SLC44A5: variants seen among roughly 807,000 people sequenced by gnomAD.
SLC44A5 encodes the protein solute carrier family 44 member 5.
SLC44A5 carries 57 observed loss-of-function variants against 101.8 expected under a neutral mutation model. That is an observed-to-expected ratio of 0.56 (90% CI 0.45 to 0.70). The LOEUF (loss-of-function observed/expected upper bound fraction) is 0.70. SLC44A5 is among the 30% of genes least tolerant of loss of function. The pLI is 0.00. For synonymous variants in SLC44A5, 281 were observed against 290.9 expected (o/e 0.97, Z 0.35); for missense variants, 737 against 853.1 (o/e 0.86, Z 1.70).
At chr1:75,470,222 A>C (rs1437803976) in intron 2 of SLC44A5, among the ~76,000 whole-genome samples, 2 of 152,206 alleles carry the variant, frequency 1.3e-5, no homozygotes, top group Non-Finnish European at 2.9e-5. Context: ...CTACACGTGA[A>C]GCTAAAAGCT....
chr1:75,356,957 G>C (rs1659127595), intron 3 of SLC44A5, among the ~76,000 whole-genome samples: 1 of 152,130 alleles, frequency 6.6e-6, no homozygotes, highest in African/African-American at 2.4e-5. Context: ...ATACCATCTA[G>C]ATTTGTCTAC....
At chr1:75,429,846 C>A (rs1311267210) in intron 2 of SLC44A5, among the ~76,000 whole-genome samples, 1 of 152,136 alleles carries the variant, frequency 6.6e-6, no homozygotes, top group Non-Finnish European at 1.5e-5. Flanking sequence ...TCCCATCAGG[C>A]CCCACCACTA....
the SLC44A5 span, among the ~76,000 whole-genome samples, chr1:75,688,484 CCTT>C: frequency 0.24 from 36,096 of 151,990 alleles, 4,626 homozygotes; most frequent in Non-Finnish European, 0.3. Flanking sequence ...CTTTCGAGGT[CCTT>C]CTTTATTGGC....
intron 2 of SLC44A5, among the ~76,000 whole-genome samples, chr1:75,493,619 A>G (rs942535505): frequency 5.9e-5 from 9 of 152,116 alleles, no homozygotes; most frequent in African/African-American, 2.2e-4. Context: ...TCCTGAGGGG[A>G]AAAAAATAGC....
intron 4 of SLC44A5, among the ~76,000 whole-genome samples, chr1:75,337,891 T>G (rs1487755750): frequency 6.6e-6 from 1 of 152,216 alleles, no homozygotes; most frequent in Non-Finnish European, 1.5e-5. Context: ...CAATAACATT[T>G]GGGATTTTTC....
intron 2 of SLC44A5, among the ~76,000 whole-genome samples, chr1:75,489,497 T>C (rs1470789453): frequency 6.6e-6 from 1 of 152,170 alleles, no homozygotes; most frequent in Non-Finnish European, 1.5e-5. Flanking sequence ...GTTTGTTTGG[T>C]TGGTTGTTTT....
chr1:75,366,684 C>T (rs1659881041), intron 3 of SLC44A5, among the ~76,000 whole-genome samples: 1 of 142,658 alleles, frequency 7.0e-6, no homozygotes, highest in Non-Finnish European at 1.5e-5. Context: ...TATGATGTAC[C>T]ATAGGCGCTG....
chr1:75,339,734 G>T, intron 3 of SLC44A5, 104 bp from the exon 4 acceptor site: 1 of 915,560 alleles, frequency 1.1e-6, no homozygotes, highest in Non-Finnish European at 1.6e-6. Context: ...ACTGCTCAGT[G>T]CAGTGATGAA....
At chr1:75,681,342 G>A in the SLC44A5 span, among the ~76,000 whole-genome samples, 1 of 152,146 alleles carries the variant, frequency 6.6e-6, no homozygotes, top group Non-Finnish European at 1.5e-5. Flanking sequence ...GATGAACATT[G>A]ATGCACAAAT....
intron 2 of SLC44A5, among the ~76,000 whole-genome samples, chr1:75,471,437 TCAGAAC>T (rs2101731440): frequency 6.6e-6 from 1 of 151,042 alleles, no homozygotes; most frequent in African/African-American, 2.4e-5. Flanking sequence ...ATGAATTAAA[TCAGAAC>T]CAGGACAAAA....
At chr1:75,578,135 T>C (rs1274469773) in intron 1 of SLC44A5, among the ~76,000 whole-genome samples, 3 of 152,064 alleles carry the variant, frequency 2.0e-5, no homozygotes, top group Admixed American at 6.6e-5. Flanking sequence ...AAACAATCCA[T>C]AAATACAGTT....
chr1:75,466,655 TAAAAAAAAAAA>T (rs754658767), intron 2 of SLC44A5, among the ~76,000 whole-genome samples: 2 of 88,492 alleles, frequency 2.3e-5, no homozygotes, highest in Non-Finnish European at 4.4e-5. Flanking sequence ...GATGCCATCT[TAAAAAAAAAAA>T]AAAAAAAAAA....
the SLC44A5 span, among the ~76,000 whole-genome samples, chr1:75,658,495 C>G: frequency 8.5e-5 from 13 of 152,170 alleles, no homozygotes; most frequent in African/African-American, 3.1e-4. Flanking sequence ...TTCATAAATA[C>G]ATGGAAAGTA....
the SLC44A5 span, among the ~76,000 whole-genome samples, chr1:75,680,454 A>T: frequency 6.6e-6 from 1 of 151,942 alleles, no homozygotes; most frequent in African/African-American, 2.4e-5. Flanking sequence ...AGGATTAAGA[A>T]TCTCACTCAA....
At position 75,238,554 on chromosome 1, in the gene SLC44A5, A is replaced by T. The variant is rs752023960; in HGVS notation, c.615T>A (p.Asn205Lys). ...GTTCTACAACACTTCTTGTCCCTCC[A>T]TTTCCATCTTGAAACATCATCTTAC... ...IGSKMMFQDG[N>K]GGTRSVVELG... is the part of the protein sequence containing the mutation. Residue 205 changes from asparagine to lysine, a missense_variant, in exon 10 of 24, where the codon AAT becomes AAA. By Grantham distance (94) the Asn-to-Lys change is moderately conservative (BLOSUM62 0). Transcript: ENST00000370859. 3.7e-6 allele frequency: 6 copies of T among 1,602,212 alleles called. No individual in the cohort carries two copies. In the East Asian group the frequency reaches 9.1e-5, roughly 24 times the overall value.
chr1:75,626,498 T>G, the SLC44A5 span, among the ~76,000 whole-genome samples: 3 of 152,262 alleles, frequency 2.0e-5, no homozygotes, highest in East Asian at 5.8e-4. Context: ...ACTCTTGTGT[T>G]GCTCTTGCCG....
At chr1:75,205,580 G>C (rs1240571457) in intron 23 of SLC44A5, 1 of 152,168 alleles carries the variant, frequency 6.6e-6, no homozygotes, top group Non-Finnish European at 1.5e-5. Context: ...CCTGCAGAGA[G>C]AGAGTTCCTA....
chr1:75,659,437 G>GAGGGAAGGAAGGA, the SLC44A5 span, among the ~76,000 whole-genome samples: 3 of 18,434 alleles, frequency 1.6e-4, no homozygotes, highest in African/African-American at 4.7e-4. Flanking sequence ...GGGAGGGAGG[G>GAGGGAAGGAAGGA]AGGGAGGGAA....
intron 3 of SLC44A5, among the ~76,000 whole-genome samples, chr1:75,364,885 A>G (rs960921118): frequency 1.3e-5 from 2 of 151,984 alleles, no homozygotes; most frequent in Non-Finnish European, 2.9e-5. Flanking sequence ...TTTCTACTAA[A>G]TATTTTTGTT....
Sources: gnomAD v4.1 joint callset for allele counts (sites outside exome capture counted in the v4.1 genomes callset) on GRCh38, gnomAD v4.1.1 for gene constraint, MANE v1.5 for transcripts, NCBI Gene and HGNC (gene_info 2026-07-23, HGNC 2026-07-21) for gene names.